Variants in KCNMB4 observed in about 807,000 individuals in gnomAD.
KCNMB4 encodes potassium calcium-activated channel subfamily M regulatory beta subunit 4.
A neutral mutation model predicts 20.7 loss-of-function variants in KCNMB4; 3 were observed. The ratio of observed to expected loss-of-function variants is 0.14; its 90% CI spans 0.07 to 0.37. The LOEUF is 0.37. Ranked by LOEUF, KCNMB4 falls within the 10% of genes least tolerant of loss-of-function variation. The probability of loss-of-function intolerance (pLI) is 1.00; values close to 1 mark genes in which losing one functional copy is unlikely to be tolerated. For synonymous variants in KCNMB4, 110 were observed against 113.4 expected, an observed-to-expected ratio of 0.97 and a Z score of 0.19; for missense variants, 168 against 265.9, an observed-to-expected ratio of 0.63 and a Z score of 2.56.
chr12:70,423,758 A>G (rs1869133212), intron 2 of KCNMB4, among the ~76,000 whole-genome samples: 1 of 152,126 alleles, frequency 6.6e-6, no homozygotes, highest in Non-Finnish European at 1.5e-5. Flanking sequence ...TACAGGCATG[A>G]ACCACTGTGC....
intron 1 of KCNMB4, among the ~76,000 whole-genome samples, chr12:70,395,155 T>C (rs915150604): frequency 1.3e-5 from 2 of 151,328 alleles, no homozygotes; most frequent in African/African-American, 4.9e-5. Flanking sequence ...GATAATGTTT[T>C]AAGAATTCAT....
chr12:70,387,250 C>G (rs11611402), intron 1 of KCNMB4, among the ~76,000 whole-genome samples: 17,705 of 151,798 alleles, frequency 0.12, 1,282 homozygotes, highest in Middle Eastern at 0.22. Flanking sequence ...CTTGTCTGCA[C>G]GGGATATTGG....
intron 1 of KCNMB4, among the ~76,000 whole-genome samples, chr12:70,376,216 A>G (rs541899511): frequency 7.9e-4 from 120 of 152,004 alleles, no homozygotes; most frequent in Non-Finnish European, 1.5e-3. Flanking sequence ...AAGGACACCT[A>G]TGAAAAAGCC....
chr12:70,366,770 A>T lies in KCNMB4; in HGVS notation c.36A>T (p.Glu12Asp). 1 of 1,609,878 alleles carries T rather than the reference A, an allele frequency of 6.2e-7. No homozygotes were observed. The highest frequency in any genetic ancestry group is 8.5e-7 in the Non-Finnish European group (1 of 1,179,420). The change falls in exon 1 of 3, where the codon GAA becomes GAT. Residue 12 changes from glutamate (E) to aspartate (D), a missense_variant. Physicochemically the swap from Glu to Asp is conservative, Grantham distance 45. Transcript: ENST00000258111. ...AKLRVAYEYTEAEDKSIRLGL... is the reference protein window; with the variant it reads ...AKLRVAYEYTDAEDKSIRLGL... Reference sequence around the variant, plus strand: ...TCCGGGTGGCTTACGAGTACACGGAAGCCGAGGACAAGAGCATCCGGCTCG... The same window carrying T: ...TCCGGGTGGCTTACGAGTACACGGATGCCGAGGACAAGAGCATCCGGCTCG...
Position 70,434,289 on chromosome 12 carries a change from C to A in KCNMB4, c.*3636C>A, listed in dbSNP as rs1274243816. 1 of 152,168 alleles carries A rather than the reference C, an allele frequency of 6.6e-6. No individual in the cohort carries two copies. The highest frequency in any genetic ancestry group is 1.5e-5 in the Non-Finnish European group (1 of 68,028). The allele number at this position is 152,168 out of a possible 1,614,324, so 9.4% of individuals were successfully genotyped here. A position where few individuals can be genotyped will look rare whatever the true frequency, so the allele number is the denominator to read the frequency against. On this transcript the variant is annotated 3_prime_UTR_variant, in exon 3 of 3. Coordinates refer to ENST00000258111, the MANE Select transcript of KCNMB4 (RefSeq NM_014505.6). ...TATGTGAGTAATAAACCTTTTTATA[C>A]CCATTTCTTGTGTGTGTGGCATTAT...
At chr12:70,421,051 C>CA (rs5798982) in intron 2 of KCNMB4, among the ~76,000 whole-genome samples, 2,036 of 119,834 alleles carry the variant, frequency 0.017, 20 homozygotes, top group Admixed American at 0.022. Flanking sequence ...GACTCCGTCT[C>CA]AAAAAAAAAA....
At chr12:70,384,873 C>CAAAAAAA (rs57306622) in intron 1 of KCNMB4, among the ~76,000 whole-genome samples, 20 of 74,294 alleles carry the variant, frequency 2.7e-4, no homozygotes, top group Non-Finnish European at 3.5e-4. Context: ...GACCCTGTCT[C>CAAAAAAA]AAAAAAAAAA....
chr12:70,376,346 G>A (rs1017493557), intron 1 of KCNMB4, among the ~76,000 whole-genome samples: 1 of 151,754 alleles, frequency 6.6e-6, no homozygotes, highest in African/African-American at 2.4e-5. Flanking sequence ...TTCTAGCCAG[G>A]GGCAGTTAAG....
At chr12:70,415,521 T>C (rs369627888) in intron 2 of KCNMB4, among the ~76,000 whole-genome samples, 1 of 152,202 alleles carries the variant, frequency 6.6e-6, no homozygotes, top group South Asian at 2.1e-4. Context: ...TTAAATCTAA[T>C]TAATAAGATT....
intron 1 of KCNMB4, among the ~76,000 whole-genome samples, chr12:70,385,479 G>C (rs1328638719): frequency 1.3e-5 from 2 of 152,078 alleles, no homozygotes; most frequent in Non-Finnish European, 2.9e-5. Flanking sequence ...ACATTTATTT[G>C]ATTTTGCATA....
intron 2 of KCNMB4, among the ~76,000 whole-genome samples, chr12:70,407,359 T>A (rs927305862): frequency 6.6e-6 from 1 of 151,124 alleles, no homozygotes; most frequent in Non-Finnish European, 1.5e-5. Flanking sequence ...GGCTATTACA[T>A]AGGCACGATT....
chr12:70,376,348 G>T (rs1434695612), intron 1 of KCNMB4, among the ~76,000 whole-genome samples: 3 of 151,864 alleles, frequency 2.0e-5, no homozygotes, highest in Non-Finnish European at 4.4e-5. Flanking sequence ...CTAGCCAGGG[G>T]CAGTTAAGCA....
intron 2 of KCNMB4, among the ~76,000 whole-genome samples, chr12:70,417,643 T>G (rs1218796865): frequency 6.6e-6 from 1 of 152,190 alleles, no homozygotes; most frequent in Admixed American, 6.5e-5. Context: ...TCCATGATAT[T>G]TGCAATTTCA....
intron 1 of KCNMB4, 136 bp from the exon 2 acceptor site, chr12:70,400,073 A>T (rs1868410888): frequency 1.6e-6 from 1 of 615,910 alleles, no homozygotes; most frequent in Middle Eastern, 4.8e-4. Context: ...TAGTAATTTC[A>T]ATTTGGTTGT....
intron 1 of KCNMB4, among the ~76,000 whole-genome samples, chr12:70,371,824 T>C (rs557573218): frequency 5.1e-4 from 78 of 152,328 alleles, no homozygotes; most frequent in Admixed American, 1.0e-3. Context: ...CAAAACAAAG[T>C]TCCTGCACTC....
intron 1 of KCNMB4, among the ~76,000 whole-genome samples, chr12:70,380,619 C>T (rs912325510): frequency 1.3e-5 from 2 of 151,118 alleles, no homozygotes; most frequent in Admixed American, 1.3e-4. Flanking sequence ...AAGGATGGAC[C>T]TACCAACCTA....
chr12:70,433,800 C>T lies in KCNMB4; in HGVS notation c.*3147C>T, dbSNP rs973945102. 3.3e-5 allele frequency: 5 copies of T among 152,214 alleles called. No homozygotes were observed. Among genetic ancestry groups the T allele is most frequent in the African/African-American group, 7.2e-5 (3 of 41,460 alleles). 9.4% of individuals were successfully genotyped at this position (152,214 alleles called of 1,614,324 possible). On this transcript the variant is annotated 3_prime_UTR_variant, in exon 3 of 3. Transcript: ENST00000258111. ...TAGGAGAAACTCCCTTGTCCATTGT[C>T]TTCTGTGGCCACTAGTTTGACCTCT...
chr12:70,406,154 A>C (rs557576627), intron 2 of KCNMB4, among the ~76,000 whole-genome samples: 1 of 152,308 alleles, frequency 6.6e-6, no homozygotes, highest in South Asian at 2.1e-4. Flanking sequence ...TTACTAATCA[A>C]TGGCCATAAA....
intron 1 of KCNMB4, among the ~76,000 whole-genome samples, chr12:70,392,412 TGTG>T (rs1489973612): frequency 2.0e-5 from 3 of 152,254 alleles, no homozygotes; most frequent in South Asian, 4.1e-4. Context: ...TGGAAGACAA[TGTG>T]GTGATTCCTC....
Sources: allele counts gnomAD v4.1 joint callset (sites outside exome capture counted in the v4.1 genomes callset), GRCh38; gene constraint gnomAD v4.1.1; transcripts MANE v1.5; gene names NCBI Gene and HGNC (gene_info 2026-07-23, HGNC 2026-07-21).